Variants in ZNF469 observed in about 807,000 individuals in gnomAD.
The protein encoded by ZNF469 is zinc finger protein 469.
A neutral mutation model predicts 1.0 loss-of-function variants in ZNF469; 1 was observed. That is an observed-to-expected ratio of 1.00 (90% CI 0.35 to 4.73). ZNF469 has a LOEUF of 4.73. ZNF469 is among the 30% of genes most tolerant of loss of function. ZNF469 has a pLI of 0.16. For missense variants in ZNF469, 6,100 were observed against 5,356.3 expected (o/e 1.14, Z -4.33); for synonymous variants, 2,703 against 2,363.4 (o/e 1.14, Z -4.17).
At chr16:88,348,750 C>T in the ZNF469 span, among the ~76,000 whole-genome samples, 1 of 152,300 alleles carries the variant, frequency 6.6e-6, no homozygotes, top group East Asian at 1.9e-4. Context: ...CTCAGCCGCC[C>T]CACTGCCCTG....
At position 88,436,705 on chromosome 16, in the gene ZNF469, G is replaced by C. The variant is rs1567516021; in HGVS notation, c.9235G>C (p.Glu3079Gln). 4 of 1,549,766 alleles carry C rather than the reference G, an allele frequency of 2.6e-6. No individual in the cohort carries two copies. The highest frequency in any genetic ancestry group is 3.5e-6 in the Non-Finnish European group (4 of 1,146,606). The change falls in exon 3 of 3, where the codon GAG (glutamate) becomes CAG (glutamine). Residue 3079 changes from glutamate (E) to glutamine (Q), a missense_variant. Transcript: ENST00000565624. ...GLPGPSFLDF[E>Q]GTASSQGPQS... ...CCCCGGCCCCAGCTTCTTAGACTTCGAGGGCACGGCGAGCTCACAGGGGCC... is the reference window on the plus strand; with the variant it reads ...CCCCGGCCCCAGCTTCTTAGACTTCCAGGGCACGGCGAGCTCACAGGGGCC...
the ZNF469 span, among the ~76,000 whole-genome samples, chr16:88,249,992 T>G: frequency 2.0e-5 from 3 of 152,272 alleles, no homozygotes; most frequent in Non-Finnish European, 2.9e-5. Flanking sequence ...AGTTGGCTCC[T>G]CAAGTGAAAA....
At chr16:88,267,487 C>G in the ZNF469 span, among the ~76,000 whole-genome samples, 1 of 152,236 alleles carries the variant, frequency 6.6e-6, no homozygotes, top group Admixed American at 6.5e-5. Context: ...ATGCCCAGGG[C>G]TGGTCCACCA....
At chr16:88,369,221 C>A in the ZNF469 span, among the ~76,000 whole-genome samples, 1 of 152,182 alleles carries the variant, frequency 6.6e-6, no homozygotes, top group East Asian at 1.9e-4. Context: ...TCGCCATTCC[C>A]CCACCCCACG....
chr16:88,318,601 T>C, the ZNF469 span, among the ~76,000 whole-genome samples: 1 of 152,268 alleles, frequency 6.6e-6, no homozygotes, highest in East Asian at 1.9e-4. Flanking sequence ...TTCTGGGTTC[T>C]GTTGCTCATG....
At position 88,434,543 on chromosome 16, in the gene ZNF469, C is replaced by A; in HGVS notation, c.7073C>A (p.Ala2358Glu). The A allele has an allele frequency of 6.5e-7, 1 of 1,550,316 alleles. No homozygotes were observed. Among genetic ancestry groups the A allele is most frequent in the Non-Finnish European group, 8.7e-7 (1 of 1,146,950 alleles). ...VPTEPPTLQG[A>E]GPDSPACLEG... ...ACTGAGCCTCCCACGCTACAGGGTG[C>A]AGGGCCGGACTCCCCCGCCTGCCTG... The change falls in exon 3 of 3, where the codon GCA becomes GAA. Residue 2358 changes from alanine (A) to glutamate (E), a missense_variant. Transcript: ENST00000565624.
the ZNF469 span, among the ~76,000 whole-genome samples, chr16:88,365,424 C>T: frequency 6.6e-6 from 1 of 152,210 alleles, no homozygotes; most frequent in Non-Finnish European, 1.5e-5. Context: ...AGTGGTCAGT[C>T]ATGTCTTCTG....
chr16:88,254,405 T>C, the ZNF469 span, among the ~76,000 whole-genome samples: 7 of 152,306 alleles, frequency 4.6e-5, no homozygotes, highest in African/African-American at 1.7e-4. Flanking sequence ...TTATTGTATA[T>C]TTATAGTAAG....
chr16:88,351,950 A>C, the ZNF469 span, among the ~76,000 whole-genome samples: 11,610 of 152,286 alleles, frequency 0.076, 511 homozygotes, highest in East Asian at 0.13. Context: ...CACGTGAGGA[A>C]GGGAGGCCCC....
rs372538769 is a variant in ZNF469 at position 88,438,576 on chromosome 16, G to A, written c.11106G>A (p.Ala3702=). ...AGTTCCCAGTGCACCCAAGGAAGGCGGTGGGGAGCCTGGCACCCGGGGAGC... is the reference window on the plus strand; with the variant it reads ...AGTTCCCAGTGCACCCAAGGAAGGCAGTGGGGAGCCTGGCACCCGGGGAGC... ...ALKFPVHPRK[A]VGSLAPGELA... The change falls in exon 3 of 3, where the codon GCG becomes GCA. Residue 3702 remains alanine, a synonymous_variant. Transcript: ENST00000565624. 5.2e-6 allele frequency: 8 copies of A among 1,550,172 alleles called. No individual in the cohort carries two copies. The highest frequency in any genetic ancestry group is 1.7e-4 in the Middle Eastern group (1 of 5,992).
At chr16:88,219,693 C>G in the ZNF469 span, among the ~76,000 whole-genome samples, 2 of 152,116 alleles carry the variant, frequency 1.3e-5, no homozygotes, top group Non-Finnish European at 2.9e-5. Context: ...CATTACCATT[C>G]AGGACATAGG....
the ZNF469 span, among the ~76,000 whole-genome samples, chr16:88,374,622 C>A: frequency 6.6e-6 from 1 of 152,132 alleles, no homozygotes; most frequent in Non-Finnish European, 1.5e-5. Flanking sequence ...TGTTCAGGGA[C>A]ATTCTTGTGA....
In ZNF469 at chr16:88,439,839, G is replaced by C. The variant is rs1906875047; in HGVS notation, c.*507G>C. ...GGAAGGCAGTGCTCACTACTTAGAA[G>C]GGTTGCTTCTGAGCCGCCTGGTCCC... is the stretch of plus-strand genomic sequence containing the variant. On this transcript the variant is annotated 3_prime_UTR_variant, in exon 3 of 3. Transcript: ENST00000565624. 1 of 142,004 alleles carries C rather than the reference G, an allele frequency of 7.0e-6. No individual in the cohort carries two copies. Among genetic ancestry groups the C allele is most frequent in the Non-Finnish European group, 1.4e-5 (1 of 69,556 alleles). 8.8% of individuals were successfully genotyped at this position (142,004 alleles called of 1,614,324 possible). A position where few individuals can be genotyped will look rare whatever the true frequency, so the allele number is the denominator to read the frequency against.
the ZNF469 span, among the ~76,000 whole-genome samples, chr16:88,135,861 C>T: frequency 5.3e-5 from 8 of 149,588 alleles, no homozygotes; most frequent in African/African-American, 1.7e-4. Context: ...CCCGGGTTCA[C>T]GCCATTCTCC....
At chr16:88,232,862 C>T in the ZNF469 span, among the ~76,000 whole-genome samples, 49 of 152,370 alleles carry the variant, frequency 3.2e-4, no homozygotes, top group African/African-American at 1.2e-3. Flanking sequence ...GTTCTGGGCA[C>T]GTCGCATATT....
chr16:88,245,746 G>C, the ZNF469 span, among the ~76,000 whole-genome samples: 28 of 140,500 alleles, frequency 2.0e-4, no homozygotes, highest in South Asian at 6.4e-3. Flanking sequence ...CGGTGGGCAG[G>C]GTTTGTTTAC....
the ZNF469 span, chr16:88,100,954 C>T: frequency 3.6e-5 from 10 of 279,458 alleles, no homozygotes; most frequent in Middle Eastern, 2.7e-3. Flanking sequence ...GCAGCCCCAA[C>T]GCGCTGCTGC....
chr16:88,188,756 G>T, the ZNF469 span, among the ~76,000 whole-genome samples: 1 of 152,182 alleles, frequency 6.6e-6, no homozygotes, highest in East Asian at 1.9e-4. Context: ...CATTAGAAAT[G>T]CAGACCCTCC....
At chr16:88,328,986 C>T in the ZNF469 span, among the ~76,000 whole-genome samples, 1 of 152,308 alleles carries the variant, frequency 6.6e-6, no homozygotes, top group East Asian at 1.9e-4. Flanking sequence ...GGGGTCCCGA[C>T]GTTCACCCGC....
Sources: gnomAD v4.1 joint callset for allele counts (sites outside exome capture counted in the v4.1 genomes callset) on GRCh38, gnomAD v4.1.1 for gene constraint, MANE v1.5 for transcripts, NCBI Gene and HGNC (gene_info 2026-07-23, HGNC 2026-07-21) for gene names.